ARF3: variants seen among roughly 807,000 people sequenced by gnomAD.
ARF3 encodes the protein ARF GTPase 3, also known as ADP-ribosylation factor 3.
A neutral mutation model predicts 19.3 loss-of-function variants in ARF3; 5 were observed. The observed-to-expected ratio is 0.26, with a 90% CI of 0.14 to 0.54. ARF3 has a LOEUF of 0.54. Among genes scored for constraint, ARF3 ranks in the 20% least tolerant of loss-of-function variants. The pLI, the probability that ARF3 is intolerant of heterozygous loss-of-function variation, is 0.95. For missense variants in ARF3, 77 were observed against 234.2 expected, an observed-to-expected ratio of 0.33 and a Z score of 4.38; for synonymous variants, 71 against 89.2, an observed-to-expected ratio of 0.80 and a Z score of 1.15.
chr12:48,954,538 A>G (rs990577460), intron 1 of ARF3, among the ~76,000 whole-genome samples: 6 of 152,254 alleles, frequency 3.9e-5, no homozygotes, highest in African/African-American at 1.2e-4. Flanking sequence ...AAAAATAATA[A>G]TTCTCTTGAA....
Position 48,937,535 on chromosome 12 carries a change from C to A in ARF3, c.*1412G>T, listed in dbSNP as rs1297284505. 1 of 152,414 alleles carries A rather than the reference C, an allele frequency of 6.6e-6. No individual in the cohort carries two copies. The highest frequency in any genetic ancestry group is 1.5e-5 in the Non-Finnish European group (1 of 68,060). 9.4% of individuals were successfully genotyped at this position (152,414 alleles called of 1,614,324 possible). On this transcript the variant is annotated 3_prime_UTR_variant, in exon 5 of 5. Coordinates refer to ENST00000256682, the MANE Select transcript of ARF3 (RefSeq NM_001659.3). ...GACCACTGCATCCCACAAGCACTGA[C>A]AACCACTTCAGGATTTTATTTCCTC...
chr12:48,949,931 A>G (rs1940433213), intron 1 of ARF3, among the ~76,000 whole-genome samples: 2 of 152,196 alleles, frequency 1.3e-5, no homozygotes, highest in Non-Finnish European at 2.9e-5. Context: ...AGCTAGAATA[A>G]TCTGGAGACC....
Position 48,939,890 on chromosome 12 carries a change from T to TC in ARF3, c.259+106dup. ...AAATATTTGCTCCCTTTCCTCCCTT[T>TC]CTTCTGCCCCCAGGAGCTGCAGCAG... On this transcript the variant is annotated intron_variant, in intron 3 of 4. Coordinates refer to ENST00000256682, the MANE Select transcript of ARF3 (RefSeq NM_001659.3). This position sits in a 1 kb window ranked among gnomAD's most constrained non-coding sequence, Gnocchi z 4.8. 2 of 1,593,702 alleles carry TC rather than the reference T, an allele frequency of 1.3e-6. No homozygotes were observed. The highest frequency in any genetic ancestry group is 2.2e-5 in the South Asian group (2 of 90,482).
chr12:48,938,731 G>C lies in ARF3; in HGVS notation c.*216C>G. 1.6e-6 allele frequency: 1 copy of C among 614,098 alleles called. No homozygotes were observed. Among genetic ancestry groups the C allele is most frequent in the Non-Finnish European group, 2.8e-6 (1 of 351,562 alleles). The allele number at this position is 614,098 out of a possible 1,614,324, so 38.0% of individuals were successfully genotyped here. On this transcript the variant is annotated 3_prime_UTR_variant, in exon 5 of 5. Transcript: ENST00000256682. ...TTTTTGTTTTAAATCCAGTAAATTG[G>C]AATGACTCATCATCAGGACAGCAAT...
At chr12:48,954,057 T>C (rs1170127948) in intron 1 of ARF3, among the ~76,000 whole-genome samples, 2 of 152,222 alleles carry the variant, frequency 1.3e-5, no homozygotes, top group Non-Finnish European at 2.9e-5. Flanking sequence ...TCTAGGAATC[T>C]AAATCCCTGA....
In ARF3 at chr12:48,939,974, AC is replaced by A. The variant is rs1267122164; in HGVS notation, c.259+22del. On this transcript the variant is annotated intron_variant, in intron 3 of 4. Transcript: ENST00000256682. The surrounding 1 kb of genome is among the most constrained non-coding windows in gnomAD (Gnocchi z 4.8). ...CACACTCTCTGCTCATACCCAACCA[AC>A]CCACGCTAGGCCTGAGCATACCTTG... is the stretch of plus-strand genomic sequence containing the variant. The A allele has an allele frequency of 5.6e-6, 9 of 1,608,142 alleles. No individual in the cohort carries two copies. Among genetic ancestry groups the A allele is most frequent in the Admixed American group, 1.7e-5 (1 of 59,974 alleles).
At chr12:48,954,678 C>T (rs1940528440) in intron 1 of ARF3, among the ~76,000 whole-genome samples, 1 of 152,130 alleles carries the variant, frequency 6.6e-6, no homozygotes, top group African/African-American at 2.4e-5. Context: ...TTCCAAGATC[C>T]ACTCTTAATT....
intron 2 of ARF3, among the ~76,000 whole-genome samples, chr12:48,940,667 C>G (rs1480515337): frequency 1.3e-5 from 2 of 152,228 alleles, no homozygotes; most frequent in African/African-American, 4.8e-5. Flanking sequence ...AAGCCTTTTA[C>G]CTGCTTTCCA....
intron 1 of ARF3, among the ~76,000 whole-genome samples, chr12:48,952,007 C>T (rs766613242): frequency 6.6e-6 from 1 of 152,104 alleles, no homozygotes; most frequent in Non-Finnish European, 1.5e-5. Flanking sequence ...ATCATAGACA[C>T]CAATGGGGAT....
intron 1 of ARF3, among the ~76,000 whole-genome samples, chr12:48,946,251 G>C (rs1347642067): frequency 6.6e-6 from 1 of 152,158 alleles, no homozygotes; most frequent in African/African-American, 2.4e-5. Flanking sequence ...TTTCTGCTTT[G>C]TGCCATGAAT....
At chr12:48,955,998 T>A (rs1304373117) in intron 1 of ARF3, 1 of 152,146 alleles carries the variant, frequency 6.6e-6, no homozygotes, top group African/African-American at 2.4e-5. Context: ...TAATCCACTG[T>A]CCCATAACAC....
chr12:48,951,242 G>C (rs1314864616), intron 1 of ARF3, among the ~76,000 whole-genome samples: 1 of 152,260 alleles, frequency 6.6e-6, no homozygotes, highest in Non-Finnish European at 1.5e-5. Context: ...GGCAAAGGCA[G>C]AAACCTGCCT....
At chr12:48,949,236 T>C (rs934519620) in intron 1 of ARF3, among the ~76,000 whole-genome samples, 12 of 152,212 alleles carry the variant, frequency 7.9e-5, no homozygotes, top group African/African-American at 2.4e-4. Flanking sequence ...TTGTTGTTGT[T>C]GTTGTCTGAG....
chr12:48,955,069 G>A (rs1565711501), intron 1 of ARF3, among the ~76,000 whole-genome samples: 3 of 152,132 alleles, frequency 2.0e-5, no homozygotes, highest in African/African-American at 2.4e-5. Flanking sequence ...AACCAACCTG[G>A]TTTTAAAGAA....
chr12:48,948,211 A>T (rs1309297102), intron 1 of ARF3, among the ~76,000 whole-genome samples: 1 of 151,156 alleles, frequency 6.6e-6, no homozygotes, highest in East Asian at 1.9e-4. Context: ...TGTCTCAAAA[A>T]AAAGAAAAAG....
chr12:48,949,875 G>A (rs1038182949), intron 1 of ARF3, among the ~76,000 whole-genome samples: 4 of 152,082 alleles, frequency 2.6e-5, no homozygotes, highest in African/African-American at 9.7e-5. Flanking sequence ...CTATGGCAAT[G>A]TTCTCTTGTC....
In ARF3 at chr12:48,935,936, T is replaced by C. The variant is rs1332067360; in HGVS notation, c.*3011A>G. The C allele has an allele frequency of 1.3e-5, 2 of 152,192 alleles. No individual in the cohort carries two copies. Among genetic ancestry groups the C allele is most frequent in the Admixed American group, 1.3e-4 (2 of 15,278 alleles). The allele number at this position is 152,192 out of a possible 1,614,324, so 9.4% of individuals were successfully genotyped here. A position where few individuals can be genotyped will look rare whatever the true frequency, so the allele number is the denominator to read the frequency against. On this transcript the variant is annotated 3_prime_UTR_variant, in exon 5 of 5. Transcript: ENST00000256682. ...CAGCTGATTTCAGGTTTAAACCCTT[T>C]AGAACTAGAGGAGGAAAGTCACGAA...
Position 48,954,991 on chromosome 12 carries a change from G to A in ARF3, c.-94+2319C>T, listed in dbSNP as rs552754733. 4.6e-5 allele frequency among the ~76,000 whole-genome samples: 7 copies of A among 152,232 alleles called. No homozygotes were observed. The South Asian group carries it at 1.5e-3, about 32-fold the overall frequency. ...GATCACACCACTGCCCTCCAGCCTGGGTGGATAAAAATAAAGGTATATAGG... is the reference window on the plus strand; with the variant it reads ...GATCACACCACTGCCCTCCAGCCTGAGTGGATAAAAATAAAGGTATATAGG... On this transcript the variant is annotated intron_variant, in intron 1 of 4. Coordinates refer to ENST00000256682, the MANE Select transcript of ARF3 (RefSeq NM_001659.3).
chr12:48,940,553 T>A (rs897956953), intron 2 of ARF3, among the ~76,000 whole-genome samples: 1 of 152,170 alleles, frequency 6.6e-6, no homozygotes, highest in African/African-American at 2.4e-5. Flanking sequence ...GGAGCCCCCA[T>A]CTACATAGCA....
Sources: allele counts gnomAD v4.1 joint callset (sites outside exome capture counted in the v4.1 genomes callset), GRCh38; gene constraint gnomAD v4.1.1; non-coding constraint Gnocchi (gnomAD v3.1); transcripts MANE v1.5; gene names NCBI Gene and HGNC (gene_info 2026-07-23, HGNC 2026-07-21).